Variants in SLC24A2 observed in about 807,000 individuals in gnomAD.
SLC24A2 encodes sodium/potassium/calcium exchanger 2.
SLC24A2 carries 36 observed loss-of-function variants against 62.0 expected under a neutral mutation model. That is an observed-to-expected ratio of 0.58 (90% CI 0.44 to 0.77). The LOEUF (loss-of-function observed/expected upper bound fraction) is 0.77. Ranked by LOEUF, SLC24A2 falls within the 30% of genes least tolerant of loss-of-function variation. The pLI is 0.00. For synonymous variants in SLC24A2, 358 were observed against 294.0 expected (o/e 1.22, Z -2.23); for missense variants, 846 against 817.9 (o/e 1.03, Z -0.42).
intron 7 of SLC24A2, among the ~76,000 whole-genome samples, chr9:19,559,237 GA>G (rs1316213829): frequency 6.6e-6 from 1 of 152,148 alleles, no homozygotes; most frequent in Non-Finnish European, 1.5e-5. Flanking sequence ...CCAGCAATAT[GA>G]TTCTATAATT....
chr9:20,049,390 T>C, the SLC24A2 span, among the ~76,000 whole-genome samples: 3 of 152,194 alleles, frequency 2.0e-5, no homozygotes, highest in Non-Finnish European at 4.4e-5. Flanking sequence ...AGTATCTAGC[T>C]AGCTAAACTA....
At chr9:19,752,351 A>T (rs1418362004) in intron 2 of SLC24A2, among the ~76,000 whole-genome samples, 1 of 152,140 alleles carries the variant, frequency 6.6e-6, no homozygotes, top group Non-Finnish European at 1.5e-5. Flanking sequence ...TGATGGACAG[A>T]TCAATTCCGA....
chr9:19,988,479 C>A, the SLC24A2 span, among the ~76,000 whole-genome samples: 2 of 152,126 alleles, frequency 1.3e-5, no homozygotes, highest in African/African-American at 4.8e-5. Context: ...TGTTCCAATC[C>A]AGGAAGTTTC....
At chr9:19,828,078 A>C in the SLC24A2 span, among the ~76,000 whole-genome samples, 3 of 152,188 alleles carry the variant, frequency 2.0e-5, no homozygotes, top group African/African-American at 7.2e-5. Context: ...TTTAATGTAC[A>C]AATAGTCCTA....
the SLC24A2 span, among the ~76,000 whole-genome samples, chr9:19,975,323 G>C: frequency 1.3e-5 from 2 of 152,178 alleles, no homozygotes; most frequent in African/African-American, 4.8e-5. Context: ...TTTCCCCAAA[G>C]AAACTATGGC....
At chr9:19,640,645 T>G (rs1818469246) in intron 2 of SLC24A2, among the ~76,000 whole-genome samples, 1 of 152,160 alleles carries the variant, frequency 6.6e-6, no homozygotes, top group African/African-American at 2.4e-5. Context: ...AAATAAAATC[T>G]ACAATGAACA....
At chr9:19,687,867 G>A (rs936618901) in intron 2 of SLC24A2, among the ~76,000 whole-genome samples, 3 of 152,092 alleles carry the variant, frequency 2.0e-5, no homozygotes, top group Admixed American at 6.6e-5. Flanking sequence ...TGACAAAGGT[G>A]CTTGCGTTAC....
At chr9:20,295,715 A>G in the SLC24A2 span, among the ~76,000 whole-genome samples, 1 of 152,158 alleles carries the variant, frequency 6.6e-6, no homozygotes, top group African/African-American at 2.4e-5. Flanking sequence ...CACCAGTGGC[A>G]CTCTGGGTCC....
chr9:19,649,985 C>A (rs1050384494), intron 2 of SLC24A2, among the ~76,000 whole-genome samples: 1 of 152,174 alleles, frequency 6.6e-6, no homozygotes. Flanking sequence ...AAGCAGACTG[C>A]GGGGTTGAAT....
intron 4 of SLC24A2, among the ~76,000 whole-genome samples, chr9:19,615,895 A>C (rs1224251603): frequency 6.6e-6 from 1 of 152,094 alleles, no homozygotes; most frequent in East Asian, 1.9e-4. Context: ...GAAAAAACAA[A>C]AACAAGCCCT....
chr9:20,244,597 C>A, the SLC24A2 span, among the ~76,000 whole-genome samples: 1 of 152,216 alleles, frequency 6.6e-6, no homozygotes, highest in Non-Finnish European at 1.5e-5. Flanking sequence ...ATCATTCTGC[C>A]TTCAAAGCTA....
chr9:19,799,584 A>G, the SLC24A2 span, among the ~76,000 whole-genome samples: 1 of 152,234 alleles, frequency 6.6e-6, no homozygotes, highest in Non-Finnish European at 1.5e-5. Flanking sequence ...AACCACAGAT[A>G]ACATAAAATC....
chr9:19,767,694 C>G (rs899729580), intron 2 of SLC24A2, among the ~76,000 whole-genome samples: 1 of 152,204 alleles, frequency 6.6e-6, no homozygotes, highest in Non-Finnish European at 1.5e-5. Flanking sequence ...CAGAAATCAC[C>G]TGCCTTCTGT....
intron 2 of SLC24A2, among the ~76,000 whole-genome samples, chr9:19,624,652 C>T (rs557965935): frequency 5.8e-4 from 88 of 152,284 alleles, no homozygotes; most frequent in Non-Finnish European, 1.1e-3. Flanking sequence ...TGACATCATT[C>T]GTTTTCTTTC....
At chr9:20,256,921 T>TAC in the SLC24A2 span, among the ~76,000 whole-genome samples, 39,617 of 119,800 alleles carry the variant, frequency 0.33, 5,529 homozygotes, top group South Asian at 0.64. Flanking sequence ...CTCCAGCATG[T>TAC]ACACACACAC....
the SLC24A2 span, among the ~76,000 whole-genome samples, chr9:20,092,204 G>A: frequency 6.6e-6 from 1 of 152,196 alleles, no homozygotes; most frequent in Non-Finnish European, 1.5e-5. Flanking sequence ...GTTTACCTGT[G>A]TAACAAACCT....
At chr9:19,973,117 T>C in the SLC24A2 span, among the ~76,000 whole-genome samples, 1 of 152,132 alleles carries the variant, frequency 6.6e-6, no homozygotes, top group Non-Finnish European at 1.5e-5. Context: ...GTGGGAGGAT[T>C]GCCTGAACCC....
chr9:20,284,771 T>C, the SLC24A2 span, among the ~76,000 whole-genome samples: 14 of 151,994 alleles, frequency 9.2e-5, no homozygotes, highest in Non-Finnish European at 1.6e-4. Flanking sequence ...CCTAGTAGGG[T>C]GGGGTCCTCA....
At chr9:19,866,812 T>G in the SLC24A2 span, among the ~76,000 whole-genome samples, 1 of 151,926 alleles carries the variant, frequency 6.6e-6, no homozygotes, top group Non-Finnish European at 1.5e-5. Flanking sequence ...AATTTTTGTA[T>G]TTTTAGTAGA....
Sources: gnomAD v4.1 joint callset for allele counts (sites outside exome capture counted in the v4.1 genomes callset) on GRCh38, gnomAD v4.1.1 for gene constraint, MANE v1.5 for transcripts, NCBI Gene and HGNC (gene_info 2026-07-23, HGNC 2026-07-21) for gene names.